Variants in MAP7D1 observed in about 807,000 individuals in gnomAD.
The protein encoded by MAP7D1 is MAP7 domain-containing protein 1.
A neutral mutation model predicts 97.5 loss-of-function variants in MAP7D1; 30 were observed. The ratio of observed to expected loss-of-function variants is 0.31; its 90% confidence interval spans 0.23 to 0.42. The LOEUF (loss-of-function observed/expected upper bound fraction) is 0.42, where lower values mean the gene tolerates loss of function less well. Ranked by LOEUF, MAP7D1 falls within the 10% of genes least tolerant of loss-of-function variation. MAP7D1 has a pLI of 1.00. For synonymous variants in MAP7D1, 536 were observed against 477.1 expected (o/e 1.12, Z -1.61); for missense variants, 1,184 against 1,179.5 (o/e 1.00, Z -0.06).
intron 12 of MAP7D1, 39 bp downstream of exon 12, chr1:36,179,064 G>C: frequency 6.6e-7 from 1 of 1,520,116 alleles, no homozygotes; most frequent in Non-Finnish European, 8.9e-7. Context: ...GCGGGGCCTG[G>C]GCAGGGCGGG....
At chr1:36,177,151 C>T (rs563168814) in intron 8 of MAP7D1, among the ~76,000 whole-genome samples, 1 of 152,098 alleles carries the variant, frequency 6.6e-6, no homozygotes, top group African/African-American at 2.4e-5. Context: ...GGTTTCGCTA[C>T]GTTGTCCAGG....
rs779538855 is a variant in MAP7D1 at position 36,179,329 on chromosome 1, C to T, written c.2184+14C>T. 7 of 1,613,780 alleles carry T rather than the reference C, an allele frequency of 4.3e-6. No homozygotes were observed. Among genetic ancestry groups the T allele is most frequent in the Non-Finnish European group, 4.2e-6 (5 of 1,179,824 alleles). On this transcript the variant is annotated intron_variant, in intron 13 of 16. Transcript: ENST00000474796. ...TCTGAAACCAAGGTCAGAATTCCCC[C>T]GAAGGGCAGTGCTGGGCGTGGGGGG...
rs1325193219 is a variant in MAP7D1 at position 36,158,322 on chromosome 1, T to C, written c.46+1859T>C. ...ATAGTCAAAGGTGACAGGAGTCCTCTGTGGGGCTTTCTGGGAGTAAATGTG... is the reference window on the plus strand; with the variant it reads ...ATAGTCAAAGGTGACAGGAGTCCTCCGTGGGGCTTTCTGGGAGTAAATGTG... On this transcript the variant is annotated intron_variant, in intron 1 of 16. Coordinates refer to ENST00000474796, the MANE Select transcript of MAP7D1 (RefSeq NM_001388490.1). 1.3e-5 allele frequency among the ~76,000 whole-genome samples: 2 copies of C among 152,146 alleles called. 1 individual carries two copies. Among genetic ancestry groups the C allele is most frequent in the Non-Finnish European group, 2.9e-5 (2 of 68,020 alleles).
chr1:36,176,709 GAGA>G lies in MAP7D1; in HGVS notation c.1252_1254del (p.Lys418del), dbSNP rs752518838. On this transcript the variant is annotated inframe_deletion, in exon 8 of 17. Transcript: ENST00000474796. The surrounding 1 kb of genome is among the most constrained non-coding windows in gnomAD (Gnocchi z 6.1). ...CCTTCCCTGCCAGGTGCAGAAAAAGGAGAAGAAGGACAAGGAGCGGGAAAACGA... is the reference window on the plus strand; with the variant it reads ...CCTTCCCTGCCAGGTGCAGAAAAAGGAGAAGGACAAGGAGCGGGAAAACGA... 26 of 1,604,074 alleles carry G rather than the reference GAGA, an allele frequency of 1.6e-5. No homozygotes were observed. Among genetic ancestry groups the G allele is most frequent in the African/African-American group, 6.7e-5 (5 of 74,800 alleles).
chr1:36,173,088 A>T (rs949714690), intron 4 of MAP7D1, among the ~76,000 whole-genome samples: 3 of 152,216 alleles, frequency 2.0e-5, no homozygotes, highest in Non-Finnish European at 4.4e-5. Context: ...TGGGAGCCCC[A>T]GGTAGGGGGA....
rs1346270203 is a variant in MAP7D1 at position 36,159,392 on chromosome 1, CAG to C, written c.46+2931_46+2932del. Among the ~76,000 whole-genome samples, 5 of 152,116 alleles carry C rather than the reference CAG, an allele frequency of 3.3e-5. No individual in the cohort carries two copies. The highest frequency in any genetic ancestry group is 1.2e-4 in the African/African-American group (5 of 41,432). ...TTTTTGTCATTATTTTTAATTCCGTCAGAAGCCTGAGATGTGATTGATTAGAA... is the reference window on the plus strand; with the variant it reads ...TTTTTGTCATTATTTTTAATTCCGTCAAGCCTGAGATGTGATTGATTAGAA... On this transcript the variant is annotated intron_variant, in intron 1 of 16. Transcript: ENST00000474796. The surrounding 1 kb of genome is among the most constrained non-coding windows in gnomAD (Gnocchi z 5.4).
At position 36,171,269 on chromosome 1, in the gene MAP7D1, A is replaced by T. The variant is rs2124227665; in HGVS notation, c.345A>T (p.Pro115=). ...GACCTCCTCGAAGGAGCAGCCAGCC[A>T]TCTCCAACAGCAGTGCCAGCCTCCG... The part of the protein sequence containing the change: ...DARPPRRSSQ[P]SPTAVPASDS... The change falls in exon 2 of 17, where the codon CCA becomes CCT. Residue 115 remains proline, a synonymous_variant. Coordinates refer to ENST00000474796, the MANE Select transcript of MAP7D1 (RefSeq NM_001388490.1). 6.3e-7 allele frequency: 1 copy of T among 1,591,328 alleles called. No individual in the cohort carries two copies. The highest frequency in any genetic ancestry group is 2.2e-5 in the East Asian group (1 of 44,726).
At chr1:36,168,012 C>T (rs941980655) in intron 1 of MAP7D1, among the ~76,000 whole-genome samples, 1 of 152,124 alleles carries the variant, frequency 6.6e-6, no homozygotes, top group African/African-American at 2.4e-5. Context: ...AATCCCAACT[C>T]TAGGCTGGGT....
At chr1:36,166,823 G>A (rs1214783251) in intron 1 of MAP7D1, among the ~76,000 whole-genome samples, 1 of 152,204 alleles carries the variant, frequency 6.6e-6, no homozygotes, top group Non-Finnish European at 1.5e-5. Context: ...AGTGGAGACA[G>A]TGAGAAATGA....
intron 12 of MAP7D1, 59 bp from the exon 13 acceptor site, chr1:36,179,177 AAGACTCCGAGGCCGGGTCTGGCTGGT>A (rs1216981316): frequency 1.5e-4 from 225 of 1,545,582 alleles, no homozygotes; most frequent in Non-Finnish European, 1.9e-4. Context: ...GGGAGGCCCT[AAGACTCCGAGGCCGGGTCTGGCTGGT>A]GGGAGGTTTA....
At chr1:36,179,848 C>A in intron 15 of MAP7D1, 26 bp from the exon 16 acceptor site, 1 of 1,596,314 alleles carries the variant, frequency 6.3e-7, no homozygotes, top group Non-Finnish European at 8.6e-7. Context: ...AGGTGAGGTG[C>A]TGAGCCTTGG....
intron 1 of MAP7D1, among the ~76,000 whole-genome samples, chr1:36,163,698 T>TCTACCTG (rs1644439441): frequency 6.6e-6 from 1 of 152,184 alleles, no homozygotes; most frequent in Non-Finnish European, 1.5e-5. Flanking sequence ...TTTATTAACT[T>TCTACCTG]CTACCTGTGT....
At chr1:36,156,517 G>GCGGCCGAGGATGAGGC (rs1553182839) in intron 1 of MAP7D1, 54 bp downstream of exon 1, 12 of 1,346,692 alleles carry the variant, frequency 8.9e-6, no homozygotes, top group African/African-American at 1.5e-5. Flanking sequence ...GGGCTGCAGG[G>GCGGCCGAGGATGAGGC]CGGCCGAGGA....
intron 1 of MAP7D1, among the ~76,000 whole-genome samples, chr1:36,164,715 G>T (rs1644453377): frequency 1.3e-5 from 2 of 152,170 alleles, no homozygotes; most frequent in Admixed American, 6.5e-5. Flanking sequence ...AGTTCAAGAA[G>T]GGGAAGCCAC....
At chr1:36,161,402 C>T (rs1644407259) in intron 1 of MAP7D1, among the ~76,000 whole-genome samples, 1 of 152,178 alleles carries the variant, frequency 6.6e-6, no homozygotes, top group Non-Finnish European at 1.5e-5. Flanking sequence ...GGAGGCTGTC[C>T]CCACTGGGAT....
chr1:36,180,422 T>G lies in MAP7D1; in HGVS notation c.*164T>G, dbSNP rs1644700884. 22 of 939,862 alleles carry G rather than the reference T, an allele frequency of 2.3e-5. No individual in the cohort carries two copies. Among genetic ancestry groups the G allele is most frequent in the South Asian group, 2.3e-4 (16 of 69,118 alleles). The allele number at this position is 939,862 out of a possible 1,614,324, so 58.2% of individuals were successfully genotyped here. A position where few individuals can be genotyped will look rare whatever the true frequency, so the allele number is the denominator to read the frequency against. On this transcript the variant is annotated 3_prime_UTR_variant, in exon 17 of 17. Transcript: ENST00000474796. ...CTGCACCTTATAGACTGATGTCTCT[T>G]TGGCCGGAGCCAGATCTGCCCCTCA...
In MAP7D1 at chr1:36,174,378, A is replaced by C. The variant is rs567001181; in HGVS notation, c.740-520A>C. ...TCTGTCCCTGTGCATGTCTGCACAC[A>C]TGTGTGCATGCCGAAGTATCTGCCA... On this transcript the variant is annotated intron_variant, in intron 5 of 16. Coordinates refer to ENST00000474796, the MANE Select transcript of MAP7D1 (RefSeq NM_001388490.1). Among the ~76,000 whole-genome samples the C allele has an allele frequency of 3.3e-5, 5 of 152,290 alleles. No individual in the cohort carries two copies. The East Asian group carries it at 9.6e-4, about 29-fold the overall frequency.
At chr1:36,166,993 G>A (rs1379949936) in intron 1 of MAP7D1, among the ~76,000 whole-genome samples, 1 of 152,130 alleles carries the variant, frequency 6.6e-6, no homozygotes, top group Non-Finnish European at 1.5e-5. Flanking sequence ...TTAAATTGGG[G>A]GCATCTTTGA....
chr1:36,172,395 A>G, intron 3 of MAP7D1, 69 bp from the exon 4 acceptor site: 2 of 1,353,434 alleles, frequency 1.5e-6, no homozygotes, highest in Middle Eastern at 2.9e-4. Flanking sequence ...GGCCACTTGG[A>G]GGAAATGTCC....
Sources: gnomAD v4.1 joint callset for allele counts (sites outside exome capture counted in the v4.1 genomes callset) on GRCh38, gnomAD v4.1.1 for gene constraint, Gnocchi (gnomAD v3.1) non-coding constraint, MANE v1.5 for transcripts, NCBI Gene and HGNC (gene_info 2026-07-23, HGNC 2026-07-21) for gene names.